TRAPPC8: variants seen among roughly 807,000 people sequenced by gnomAD.
TRAPPC8 encodes the protein trafficking protein particle complex subunit 8.
A neutral mutation model predicts 174.3 loss-of-function variants in TRAPPC8; 54 were observed. The ratio of observed to expected loss-of-function variants is 0.31; its 90% CI spans 0.25 to 0.39. The LOEUF is 0.39. Ranked by LOEUF, TRAPPC8 falls within the 10% of genes least tolerant of loss-of-function variation. The pLI is 1.00. For missense variants in TRAPPC8, 1,531 were observed against 1,699.1 expected, an observed-to-expected ratio of 0.90 and a Z score of 1.74; for synonymous variants, 630 against 579.9, an observed-to-expected ratio of 1.09 and a Z score of -1.24.
chr18:31,902,274 T>C (rs1169829213), intron 9 of TRAPPC8, among the ~76,000 whole-genome samples: 1 of 152,336 alleles, frequency 6.6e-6, no homozygotes, highest in East Asian at 1.9e-4. Flanking sequence ...GGGGTTGCAC[T>C]GAGCCGAGAT....
chr18:31,916,555 C>CTTTGTCTCAG, intron 3 of TRAPPC8, 109 bp from the exon 4 acceptor site: 9 of 1,148,286 alleles, frequency 7.8e-6, no homozygotes, highest in Non-Finnish European at 1.1e-5. Flanking sequence ...GTTTCTGAGA[C>CTTTGTCTCAG]AAAGTCTCAC....
chr18:31,890,942 T>C (rs1395863628), intron 11 of TRAPPC8, 76 bp from the exon 12 acceptor site: 2 of 1,377,050 alleles, frequency 1.5e-6, no homozygotes, highest in African/African-American at 1.5e-5. Context: ...AAAAAAACAT[T>C]TAATTTCTTA....
intron 25 of TRAPPC8, among the ~76,000 whole-genome samples, chr18:31,849,173 G>C (rs2145036524): frequency 6.6e-6 from 1 of 152,206 alleles, no homozygotes; most frequent in African/African-American, 2.4e-5. Context: ...TAAAAGAGAA[G>C]AGAAGGTAAA....
intron 12 of TRAPPC8, among the ~76,000 whole-genome samples, chr18:31,879,987 TAAAC>T (rs1214835650): frequency 1.4e-4 from 16 of 117,776 alleles, no homozygotes; most frequent in South Asian, 5.5e-4. Context: ...AAAAAATAAA[TAAAC>T]AACCAAATGA....
intron 12 of TRAPPC8, among the ~76,000 whole-genome samples, chr18:31,882,098 C>G (rs1229642786): frequency 2.0e-5 from 3 of 152,192 alleles, no homozygotes; most frequent in Admixed American, 2.0e-4. Flanking sequence ...AATCCCATTA[C>G]TAGGTATGTA....
At chr18:31,880,911 C>A (rs1204258944) in intron 12 of TRAPPC8, among the ~76,000 whole-genome samples, 1 of 151,964 alleles carries the variant, frequency 6.6e-6, no homozygotes, top group South Asian at 2.1e-4. Flanking sequence ...AACTGCCACA[C>A]ACACACAAAA....
intron 11 of TRAPPC8, among the ~76,000 whole-genome samples, chr18:31,895,176 G>A (rs1480640555): frequency 6.6e-6 from 1 of 152,136 alleles, no homozygotes; most frequent in Non-Finnish European, 1.5e-5. Context: ...ACACAGCTCA[G>A]GAATGTCAAG....
At chr18:31,924,043 G>C (rs1247995201) in intron 2 of TRAPPC8, among the ~76,000 whole-genome samples, 2 of 152,170 alleles carry the variant, frequency 1.3e-5, no homozygotes, top group African/African-American at 4.8e-5. Context: ...CAGCACTTTA[G>C]GAGGCTGAGG....
At chr18:31,895,579 A>T (rs2036149873) in intron 11 of TRAPPC8, among the ~76,000 whole-genome samples, 1 of 152,232 alleles carries the variant, frequency 6.6e-6, no homozygotes, top group Admixed American at 6.5e-5. Flanking sequence ...CAGACAGGAG[A>T]ACTTGCTCTG....
chr18:31,871,192 A>G (rs1204967469), intron 14 of TRAPPC8, 72 bp from the exon 15 acceptor site: 9 of 882,086 alleles, frequency 1.0e-5, no homozygotes, highest in Non-Finnish European at 1.5e-5. Context: ...AATAGACATA[A>G]GGTACAGAAA....
Position 31,908,996 on chromosome 18 carries a change from T to A in TRAPPC8, c.880A>T (p.Asn294Tyr). 1 of 1,606,886 alleles carries A rather than the reference T, an allele frequency of 6.2e-7. No homozygotes were observed. Among genetic ancestry groups the A allele is most frequent in the Non-Finnish European group, 8.5e-7 (1 of 1,175,944 alleles). ...AACTGAAGTGGGTGAGCTCTAAAGT[T>A]ATTTGGTAAGCCATCTACTGAAAAA... ...DNEVKDGLPN[N>Y]FRAHPLQLEQ... The change falls in exon 7 of 29, where the codon AAC becomes TAC. Residue 294 changes from asparagine to tyrosine, a missense_variant. By Grantham distance (143) the Asn-to-Tyr change is moderately radical. Transcript: ENST00000283351.
chr18:31,907,657 C>T, intron 8 of TRAPPC8, 47 bp from the exon 9 acceptor site: 1 of 1,443,080 alleles, frequency 6.9e-7, no homozygotes, highest in Non-Finnish European at 9.3e-7. Flanking sequence ...CCCCCCAAAC[C>T]ATTAAAATTA....
rs995413126 is a variant in TRAPPC8, at chr18:31,829,478, A to T, written c.*1277T>A. 6.6e-6 allele frequency: 1 copy of T among 152,260 alleles called. No homozygotes were observed. The highest frequency in any genetic ancestry group is 2.1e-4 in the South Asian group (1 of 4,832). The allele number at this position is 152,260 out of a possible 1,614,324, so 9.4% of individuals were successfully genotyped here. On this transcript the variant is annotated 3_prime_UTR_variant, in exon 29 of 29. Transcript: ENST00000283351. ...ACCTGCTAAGACACAGAGTGGAAGG[A>T]GCTGAAAAGCCAGAGACCCACTTAA...
At chr18:31,836,589 T>C (rs951321867) in intron 27 of TRAPPC8, among the ~76,000 whole-genome samples, 41 of 152,128 alleles carry the variant, frequency 2.7e-4, no homozygotes, top group Admixed American at 2.0e-4. Flanking sequence ...AAATTGTTCA[T>C]AGAAGTGTGT....
intron 2 of TRAPPC8, among the ~76,000 whole-genome samples, chr18:31,921,537 A>ACC (rs2037388484): frequency 1.3e-5 from 2 of 150,070 alleles, no homozygotes; most frequent in African/African-American, 4.9e-5. Flanking sequence ...AATCACTTGA[A>ACC]CTCGGGAGGT....
chr18:31,924,176 T>C (rs1160613519), intron 2 of TRAPPC8, among the ~76,000 whole-genome samples: 2 of 151,984 alleles, frequency 1.3e-5, no homozygotes, highest in Non-Finnish European at 2.9e-5. Flanking sequence ...TCCCAGCTAC[T>C]TGGGAGGCTG....
intron 1 of TRAPPC8, among the ~76,000 whole-genome samples, chr18:31,940,421 C>T (rs573800647): frequency 3.9e-5 from 6 of 152,200 alleles, no homozygotes; most frequent in Admixed American, 1.3e-4. Flanking sequence ...GCCAAGATCG[C>T]GCCACTGCAC....
intron 1 of TRAPPC8, among the ~76,000 whole-genome samples, chr18:31,938,119 T>C (rs897330041): frequency 1.3e-5 from 2 of 152,180 alleles, no homozygotes; most frequent in African/African-American, 4.8e-5. Context: ...CTAAATGATA[T>C]ATTGCAACAT....
At chr18:31,896,440 C>A (rs62095548) in intron 11 of TRAPPC8, 37,099 of 147,472 alleles carry the variant, frequency 0.25, 5,185 homozygotes, top group South Asian at 0.52. Context: ...CACCTCCATT[C>A]TGCACTGGAT....
Sources: allele counts gnomAD v4.1 joint callset (sites outside exome capture counted in the v4.1 genomes callset), GRCh38; gene constraint gnomAD v4.1.1; transcripts MANE v1.5; gene names NCBI Gene and HGNC (gene_info 2026-07-23, HGNC 2026-07-21).